ZGRF1: variants seen among roughly 807,000 people sequenced by gnomAD.
The protein encoded by ZGRF1 is zinc finger GRF-type containing 1, also known as 5'-3' DNA helicase ZGRF1.
In ZGRF1, 196 loss-of-function variants were observed where a neutral mutation model predicts 203.5. The ratio of observed to expected loss-of-function variants is 0.96; its 90% CI spans 0.86 to 1.08. The LOEUF is 1.08. ZGRF1 is among the 50% of genes least tolerant of loss of function. The pLI is 0.00. For synonymous variants in ZGRF1, 809 were observed against 841.3 expected, an observed-to-expected ratio of 0.96 and a Z score of 0.66; for missense variants, 2,326 against 2,416.3, an observed-to-expected ratio of 0.96 and a Z score of 0.78.
At chr4:112,604,617 T>C (rs1019855271) in intron 9 of ZGRF1, among the ~76,000 whole-genome samples, 9 of 152,160 alleles carry the variant, frequency 5.9e-5, no homozygotes. Context: ...TTGTAAAATA[T>C]CAGGCTCAAC....
chr4:112,549,385 TAC>T (rs1170858219), intron 22 of ZGRF1, among the ~76,000 whole-genome samples: 7 of 152,234 alleles, frequency 4.6e-5, no homozygotes, highest in South Asian at 4.1e-4. Context: ...TATACACACG[TAC>T]ACACACATTT....
chr4:112,619,902 G>T, intron 5 of ZGRF1, 100 bp downstream of exon 5: 2 of 1,006,884 alleles, frequency 2.0e-6, no homozygotes, highest in Non-Finnish European at 2.8e-6. Context: ...ACTATGAAGT[G>T]CCCTTTGAAT....
At chr4:112,635,337 T>A (rs2047560761) in intron 1 of ZGRF1, among the ~76,000 whole-genome samples, 1 of 152,060 alleles carries the variant, frequency 6.6e-6, no homozygotes, top group African/African-American at 2.4e-5. Context: ...TCAGATCTGT[T>A]TAATAGCTAC....
chr4:112,625,921 A>C (rs1010898023), intron 3 of ZGRF1, among the ~76,000 whole-genome samples: 4 of 152,128 alleles, frequency 2.6e-5, no homozygotes, highest in Non-Finnish European at 1.5e-5. Flanking sequence ...TTATATGGCA[A>C]TAAAAAATAA....
chr4:112,599,918 TA>T (rs750300208), intron 10 of ZGRF1, among the ~76,000 whole-genome samples: 8 of 152,136 alleles, frequency 5.3e-5, no homozygotes, highest in Non-Finnish European at 8.8e-5. Flanking sequence ...CATGTAACTT[TA>T]CATAAAATGT....
chr4:112,628,502 A>G (rs1466421649), intron 3 of ZGRF1: 6 of 443,238 alleles, frequency 1.4e-5, no homozygotes, highest in Non-Finnish European at 2.3e-5. Flanking sequence ...GTGGAAGATG[A>G]ATAACTTTGA....
At chr4:112,604,076 T>C (rs1004713373) in intron 9 of ZGRF1, among the ~76,000 whole-genome samples, 2 of 151,898 alleles carry the variant, frequency 1.3e-5, no homozygotes, top group African/African-American at 4.8e-5. Context: ...TATAAAAAAT[T>C]AGCCAGGCGT....
chr4:112,558,350 T>A, intron 19 of ZGRF1, 41 bp from the exon 20 acceptor site: 1 of 1,406,380 alleles, frequency 7.1e-7, no homozygotes, highest in Admixed American at 3.1e-5. Flanking sequence ...AAGCATAAAA[T>A]AAATAAATTT....
At chr4:112,611,072 G>C in intron 7 of ZGRF1, 1 of 187,118 alleles carries the variant, frequency 5.3e-6, no homozygotes, top group South Asian at 8.0e-5. Context: ...GGGAAAAAAA[G>C]GACCAGTAAC....
intron 20 of ZGRF1, 30 bp downstream of exon 20, chr4:112,558,120 T>C (rs367737855): frequency 1.9e-6 from 3 of 1,584,542 alleles, no homozygotes; most frequent in Non-Finnish European, 2.6e-6. Flanking sequence ...CCCAAAACAT[T>C]AGCTACTTAA....
intron 3 of ZGRF1, chr4:112,630,112 A>G: frequency 6.4e-6 from 1 of 155,440 alleles, no homozygotes; most frequent in East Asian, 1.9e-4. Flanking sequence ...TAACTTAACT[A>G]GGTTTACAAA....
chr4:112,621,397 C>A (rs1395716510), intron 4 of ZGRF1, among the ~76,000 whole-genome samples: 1 of 152,012 alleles, frequency 6.6e-6, no homozygotes, highest in Non-Finnish European at 1.5e-5. Context: ...CACCTGTAAT[C>A]CTAGCACTTT....
At chr4:112,619,954 A>T in intron 5 of ZGRF1, 48 bp downstream of exon 5, 1 of 1,412,588 alleles carries the variant, frequency 7.1e-7, no homozygotes, top group Non-Finnish European at 9.4e-7. Flanking sequence ...TTTTCGAGAC[A>T]ATTTTATAAA....
chr4:112,630,216 GGGCCAGGCGCAGTGGCTCA>G (rs577103642), intron 3 of ZGRF1, among the ~76,000 whole-genome samples: 393 of 152,076 alleles, frequency 2.6e-3, no homozygotes, highest in African/African-American at 9.1e-3. Flanking sequence ...AGAAATAGTA[GGGCCAGGCGCAGTGGCTCA>G]GGCCAGGCGC....
At chr4:112,558,419 G>A in intron 19 of ZGRF1, 110 bp from the exon 20 acceptor site, 4 of 873,776 alleles carry the variant, frequency 4.6e-6, no homozygotes, top group Non-Finnish European at 6.4e-6. Context: ...CCAGGCTGGA[G>A]TGCAGTGACA....
chr4:112,617,424 G>A lies in ZGRF1; in HGVS notation c.2602+16C>T. ...CCTATAAAGAAAACATTCCAAAATAGACATGCAATTCTAACCTTCAGGAGG... is the reference window on the plus strand; with the variant it reads ...CCTATAAAGAAAACATTCCAAAATAAACATGCAATTCTAACCTTCAGGAGG... On this transcript the variant is annotated intron_variant, in intron 6 of 27. Coordinates refer to ENST00000505019, the MANE Select transcript of ZGRF1 (RefSeq NM_018392.5). 6.6e-7 allele frequency: 1 copy of A among 1,504,352 alleles called. No homozygotes were observed. The highest frequency in any genetic ancestry group is 8.9e-7 in the Non-Finnish European group (1 of 1,125,288). The allele number at this position is 1,504,352 out of a possible 1,614,324, so 93.2% of individuals were successfully genotyped here.
chr4:112,562,580 C>T, intron 17 of ZGRF1, 95 bp from the exon 18 acceptor site: 1 of 724,960 alleles, frequency 1.4e-6, no homozygotes, highest in Non-Finnish European at 2.4e-6. Context: ...AGTTCAGCTA[C>T]TGAATTAAGC....
chr4:112,573,894 T>C (rs74409529), intron 16 of ZGRF1, among the ~76,000 whole-genome samples: 10,762 of 152,212 alleles, frequency 0.071, 519 homozygotes, highest in Non-Finnish European at 0.099. Context: ...AAGAAACACA[T>C]GTAACTAAAA....
At chr4:112,596,284 C>G (rs974339049) in intron 10 of ZGRF1, among the ~76,000 whole-genome samples, 2 of 151,938 alleles carry the variant, frequency 1.3e-5, no homozygotes, top group Non-Finnish European at 1.5e-5. Context: ...AAAATCTAAC[C>G]AAAGCACCTA....
Sources: gnomAD v4.1 joint callset for allele counts (sites outside exome capture counted in the v4.1 genomes callset) on GRCh38, gnomAD v4.1.1 for gene constraint, MANE v1.5 for transcripts, NCBI Gene and HGNC (gene_info 2026-07-23, HGNC 2026-07-21) for gene names.